EHBP1: variants seen among roughly 807,000 people sequenced by gnomAD.
EHBP1 encodes EH domain binding protein 1.
A neutral mutation model predicts 144.0 loss-of-function variants in EHBP1; 55 were observed. That is an observed-to-expected ratio of 0.38 (90% CI 0.31 to 0.48). EHBP1 has a LOEUF of 0.48. Ranked by LOEUF, EHBP1 falls within the 20% of genes least tolerant of loss-of-function variation. The pLI is 0.98. For synonymous variants in EHBP1, 469 were observed against 472.7 expected (o/e 0.99, Z 0.10); for missense variants, 1,200 against 1,364.2 (o/e 0.88, Z 1.90).
intron 19 of EHBP1, among the ~76,000 whole-genome samples, chr2:63,028,112 G>A (rs146463715): frequency 1.5e-4 from 23 of 152,156 alleles, no homozygotes; most frequent in African/African-American, 5.3e-4. Context: ...GATTTTAAGT[G>A]TTCTTACCAC....
At chr2:62,942,411 T>TA (rs1187375381) in intron 10 of EHBP1, among the ~76,000 whole-genome samples, 9 of 152,216 alleles carry the variant, frequency 5.9e-5, no homozygotes, top group African/African-American at 2.2e-4. Flanking sequence ...ATTACATAGG[T>TA]ATTTAGCCTT....
At chr2:63,038,673 C>A in intron 20 of EHBP1, 70 bp from the exon 21 acceptor site, 1 of 1,413,006 alleles carries the variant, frequency 7.1e-7, no homozygotes. Context: ...ATCAATGTAA[C>A]CTAAAGGTTC....
intron 10 of EHBP1, among the ~76,000 whole-genome samples, chr2:62,917,788 C>T (rs2054753780): frequency 6.6e-6 from 1 of 152,088 alleles, no homozygotes; most frequent in African/African-American, 2.4e-5. Flanking sequence ...CATTCTTGGA[C>T]CAGCAAAATG....
At chr2:62,754,963 C>T (rs559198058) in intron 3 of EHBP1, among the ~76,000 whole-genome samples, 5 of 152,318 alleles carry the variant, frequency 3.3e-5, no homozygotes, top group East Asian at 1.9e-4. Flanking sequence ...TGCCCTGCTT[C>T]GGCTCATGCT....
chr2:62,707,710 T>G (rs751858514), intron 2 of EHBP1, among the ~76,000 whole-genome samples: 2 of 152,234 alleles, frequency 1.3e-5, no homozygotes, highest in Non-Finnish European at 2.9e-5. Flanking sequence ...GTCTATATTC[T>G]TGTGGGGTGA....
chr2:62,698,807 A>T (rs1233082335), intron 1 of EHBP1, among the ~76,000 whole-genome samples: 1 of 152,148 alleles, frequency 6.6e-6, no homozygotes, highest in Non-Finnish European at 1.5e-5. Context: ...ATTTTTCTCT[A>T]TCTTGCCCTG....
At chr2:62,687,782 G>A (rs975088875) in intron 1 of EHBP1, among the ~76,000 whole-genome samples, 5 of 152,246 alleles carry the variant, frequency 3.3e-5, no homozygotes, top group South Asian at 4.1e-4. Context: ...GCACAGACCC[G>A]CTATGAAAAG....
chr2:62,907,484 A>G (rs2053894555), intron 10 of EHBP1, among the ~76,000 whole-genome samples: 4 of 152,176 alleles, frequency 2.6e-5, no homozygotes. Flanking sequence ...GAGACTGGAA[A>G]GTCCAAGTCA....
chr2:62,830,503 T>A (rs56078239), intron 6 of EHBP1, among the ~76,000 whole-genome samples: 3 of 152,124 alleles, frequency 2.0e-5, no homozygotes, highest in African/African-American at 7.2e-5. Flanking sequence ...TTTCATTTTT[T>A]ACTTGTTCAT....
At chr2:62,883,943 C>T (rs1048386804) in intron 10 of EHBP1, among the ~76,000 whole-genome samples, 2 of 151,994 alleles carry the variant, frequency 1.3e-5, no homozygotes, top group East Asian at 1.9e-4. Context: ...GCACTCCAGC[C>T]GGTATGGCAG....
At chr2:62,837,999 A>G (rs2152698887) in intron 7 of EHBP1, among the ~76,000 whole-genome samples, 1 of 149,170 alleles carries the variant, frequency 6.7e-6, no homozygotes, top group East Asian at 2.0e-4. Context: ...CCTAATAGAC[A>G]TCTACAGAAC....
chr2:62,926,684 A>C (rs892855567), intron 10 of EHBP1, among the ~76,000 whole-genome samples: 4 of 152,034 alleles, frequency 2.6e-5, no homozygotes, highest in African/African-American at 9.7e-5. Flanking sequence ...CAACAACAAC[A>C]AAAAAACAAA....
intron 6 of EHBP1, among the ~76,000 whole-genome samples, chr2:62,830,211 TACAC>T (rs111857004): frequency 6.8e-6 from 1 of 146,094 alleles, no homozygotes; most frequent in South Asian, 2.2e-4. Flanking sequence ...TATACACATA[TACAC>T]ACACACACAT....
chr2:62,766,155 C>T (rs1439478635), intron 4 of EHBP1, among the ~76,000 whole-genome samples: 1 of 152,068 alleles, frequency 6.6e-6, no homozygotes, highest in Non-Finnish European at 1.5e-5. Context: ...AGTAAACAGA[C>T]ATAAGAAGTA....
intron 15 of EHBP1, 23 bp downstream of exon 15, chr2:62,979,358 A>T: frequency 1.2e-6 from 2 of 1,609,808 alleles, no homozygotes; most frequent in South Asian, 2.2e-5. Context: ...ATCTTCTATC[A>T]TTCTACAGAC....
At chr2:62,981,215 G>A (rs2058955033) in intron 15 of EHBP1, among the ~76,000 whole-genome samples, 1 of 151,894 alleles carries the variant, frequency 6.6e-6, no homozygotes, top group African/African-American at 2.4e-5. Context: ...CTACATTTGT[G>A]TAATACTATG....
chr2:63,029,615 G>A (rs1574540120), intron 19 of EHBP1, among the ~76,000 whole-genome samples: 2 of 151,902 alleles, frequency 1.3e-5, no homozygotes, highest in Admixed American at 6.6e-5. Context: ...TACAACAATC[G>A]TGAAGTAAGT....
intron 10 of EHBP1, among the ~76,000 whole-genome samples, chr2:62,933,575 A>G (rs553429382): frequency 6.6e-6 from 1 of 152,048 alleles, no homozygotes; most frequent in Non-Finnish European, 1.5e-5. Context: ...TCCCGTACTC[A>G]TGTAGATCTT....
At chr2:62,738,939 T>C (rs1353969542) in intron 2 of EHBP1, among the ~76,000 whole-genome samples, 1 of 152,210 alleles carries the variant, frequency 6.6e-6, no homozygotes, top group African/African-American at 2.4e-5. Context: ...AGGCTTTCAT[T>C]AGATGATCTT....
Sources: allele counts gnomAD v4.1 joint callset (sites outside exome capture counted in the v4.1 genomes callset), GRCh38; gene constraint gnomAD v4.1.1; transcripts MANE v1.5; gene names NCBI Gene and HGNC (gene_info 2026-07-23, HGNC 2026-07-21).